The following PHLPP1 variants were observed in gnomAD, a reference collection of about 807,000 sequenced individuals.
The protein encoded by PHLPP1 is PH domain and leucine rich repeat protein phosphatase 1.
PHLPP1 carries 42 observed loss-of-function variants against 117.2 expected under a neutral mutation model. That is an observed-to-expected ratio of 0.36 (90% CI 0.28 to 0.46). The LOEUF is 0.46. Among genes scored for constraint, PHLPP1 ranks in the 20% least tolerant of loss-of-function variants. The probability of loss-of-function intolerance (pLI) is 1.00; values close to 1 mark genes in which losing one functional copy is unlikely to be tolerated. For missense variants in PHLPP1, 2,084 were observed against 2,241.9 expected (o/e 0.93, Z 1.42); for synonymous variants, 1,042 against 970.7 (o/e 1.07, Z -1.37).
At chr18:62,904,780 A>G (rs1916804672) in intron 7 of PHLPP1, among the ~76,000 whole-genome samples, 1 of 152,374 alleles carries the variant, frequency 6.6e-6, no homozygotes, top group South Asian at 2.1e-4. Context: ...TATTTCATAA[A>G]GTGTTCAGGA....
Position 62,885,165 on chromosome 18 carries a change from A to C in PHLPP1, c.2067-9846A>C, listed in dbSNP as rs147362986. Among the ~76,000 whole-genome samples, 545 of 152,360 alleles carry C rather than the reference A, an allele frequency of 3.6e-3. 2 individuals are homozygous for C. The highest frequency in any genetic ancestry group is 0.027 in the Middle Eastern group (8 of 294). On this transcript the variant is annotated intron_variant, in intron 4 of 16. Coordinates refer to ENST00000262719, the MANE Select transcript of PHLPP1 (RefSeq NM_194449.4). ...TGACAAAACAAGCCCAGAAGGAGGAAGTATGTGAGGATTGGTAACATTTGT... is the reference window on the plus strand; with the variant it reads ...TGACAAAACAAGCCCAGAAGGAGGACGTATGTGAGGATTGGTAACATTTGT...
chr18:62,904,791 A>T (rs964820753), intron 7 of PHLPP1, among the ~76,000 whole-genome samples: 57 of 152,276 alleles, frequency 3.7e-4, no homozygotes, highest in African/African-American at 1.4e-3. Flanking sequence ...GTGTTCAGGA[A>T]GTGTTTCAGA....
At chr18:62,887,860 C>T (rs1232637935) in intron 4 of PHLPP1, among the ~76,000 whole-genome samples, 2 of 152,184 alleles carry the variant, frequency 1.3e-5, no homozygotes, top group Non-Finnish European at 1.5e-5. Flanking sequence ...ACCTCAGCCT[C>T]CCAAGTAGCT....
At chr18:62,726,117 T>C (rs960987894) in intron 1 of PHLPP1, among the ~76,000 whole-genome samples, 231 of 149,658 alleles carry the variant, frequency 1.5e-3, no homozygotes, top group African/African-American at 4.2e-3. Context: ...TATGTGTATA[T>C]ACACACACAC....
At chr18:62,805,924 T>G (rs940051391) in intron 1 of PHLPP1, among the ~76,000 whole-genome samples, 5 of 152,058 alleles carry the variant, frequency 3.3e-5, no homozygotes, top group African/African-American at 9.7e-5. Flanking sequence ...ATAAAATATT[T>G]CAAAATATTT....
At chr18:62,723,910 C>G (rs561674338) in intron 1 of PHLPP1, among the ~76,000 whole-genome samples, 1 of 152,184 alleles carries the variant, frequency 6.6e-6, no homozygotes, top group South Asian at 2.1e-4. Flanking sequence ...TCTTCCAACT[C>G]GTAACATTCT....
At chr18:62,963,124 C>G (rs1395777554) in intron 13 of PHLPP1, among the ~76,000 whole-genome samples, 5 of 152,212 alleles carry the variant, frequency 3.3e-5, no homozygotes, top group Non-Finnish European at 7.3e-5. Context: ...GTGAAAGTCT[C>G]TAATAGCTGC....
chr18:62,807,012 A>C (rs1913969421), intron 1 of PHLPP1, among the ~76,000 whole-genome samples: 1 of 152,152 alleles, frequency 6.6e-6, no homozygotes, highest in African/African-American at 2.4e-5. Context: ...TTTATAAATA[A>C]AGTTGCCCTT....
At chr18:62,723,969 A>G (rs568099344) in intron 1 of PHLPP1, among the ~76,000 whole-genome samples, 14 of 152,220 alleles carry the variant, frequency 9.2e-5, no homozygotes, top group Non-Finnish European at 1.9e-4. Context: ...TGAAAGTTGT[A>G]GTTGTTTTAA....
intron 1 of PHLPP1, among the ~76,000 whole-genome samples, chr18:62,824,642 T>TA (rs1041926822): frequency 4.0e-5 from 6 of 151,878 alleles, no homozygotes; most frequent in African/African-American, 1.5e-4. Flanking sequence ...AATAAATCTG[T>TA]AAAAAAAAGT....
intron 1 of PHLPP1, among the ~76,000 whole-genome samples, chr18:62,766,228 G>A (rs1912523152): frequency 6.7e-6 from 1 of 149,490 alleles, no homozygotes; most frequent in Admixed American, 6.7e-5. Flanking sequence ...ACTGGGGAAT[G>A]TCAGCCTGGC....
chr18:62,942,767 A>C (rs561155743), intron 11 of PHLPP1, among the ~76,000 whole-genome samples: 65 of 151,898 alleles, frequency 4.3e-4, no homozygotes, highest in Non-Finnish European at 8.2e-4. Flanking sequence ...GGTAACTGCA[A>C]CTCAGCATTG....
chr18:62,757,106 G>T (rs986606984), intron 1 of PHLPP1, among the ~76,000 whole-genome samples: 2 of 152,182 alleles, frequency 1.3e-5, no homozygotes, highest in East Asian at 1.9e-4. Context: ...GTCATTATTT[G>T]TACAGACGTC....
At chr18:62,968,727 C>T (rs1382736996) in intron 14 of PHLPP1, among the ~76,000 whole-genome samples, 6 of 151,540 alleles carry the variant, frequency 4.0e-5, no homozygotes, top group Admixed American at 6.6e-5. Flanking sequence ...TTAGTAGAGA[C>T]GGAGTTTCAC....
chr18:62,723,875 G>A (rs1485392811), intron 1 of PHLPP1, among the ~76,000 whole-genome samples: 2 of 152,188 alleles, frequency 1.3e-5, no homozygotes, highest in African/African-American at 4.8e-5. Context: ...AGACGATGGG[G>A]TTGGAGTAGA....
At chr18:62,746,557 T>G (rs935126856) in intron 1 of PHLPP1, among the ~76,000 whole-genome samples, 1 of 152,212 alleles carries the variant, frequency 6.6e-6, no homozygotes, top group African/African-American at 2.4e-5. Flanking sequence ...CTTTGCAGTA[T>G]TTTTTCTTTT....
At chr18:62,863,171 CTCTCTCTCTCTTT>C (rs1468941389) in intron 4 of PHLPP1, among the ~76,000 whole-genome samples, 1 of 151,654 alleles carries the variant, frequency 6.6e-6, no homozygotes, top group Non-Finnish European at 1.5e-5. Context: ...GGTTCTCTCT[CTCTCTCTCTCTTT>C]TCTCTCTCTC....
chr18:62,787,472 G>A (rs934854597), intron 1 of PHLPP1, among the ~76,000 whole-genome samples: 5 of 152,022 alleles, frequency 3.3e-5, no homozygotes, highest in Admixed American at 3.3e-4. Context: ...CCGACCTAAA[G>A]CATCGTTTTG....
chr18:62,912,551 G>A (rs1916986241), intron 8 of PHLPP1, among the ~76,000 whole-genome samples: 1 of 151,482 alleles, frequency 6.6e-6, no homozygotes, highest in African/African-American at 2.4e-5. Context: ...TTGAATAAGA[G>A]CAGTATAGGA....
Sources: allele counts gnomAD v4.1 joint callset (sites outside exome capture counted in the v4.1 genomes callset), GRCh38; gene constraint gnomAD v4.1.1; transcripts MANE v1.5; gene names NCBI Gene and HGNC (gene_info 2026-07-23, HGNC 2026-07-21).